LARGE1: variants seen among roughly 807,000 people sequenced by gnomAD.
LARGE1 encodes the protein LARGE xylosyl- and glucuronyltransferase 1.
A neutral mutation model predicts 87.6 loss-of-function variants in LARGE1; 43 were observed. The ratio of observed to expected loss-of-function variants is 0.49; its 90% confidence interval spans 0.38 to 0.63. The LOEUF is 0.63. Among genes scored for constraint, LARGE1 ranks in the 30% least tolerant of loss-of-function variants. The pLI, the probability that LARGE1 is intolerant of heterozygous loss-of-function variation, is 0.00. For missense variants in LARGE1, 802 were observed against 1,000.2 expected (o/e 0.80, Z 2.67); for synonymous variants, 434 against 394.6 (o/e 1.10, Z -1.18).
intron 12 of LARGE1, among the ~76,000 whole-genome samples, chr22:33,295,127 A>C (rs1057271867): frequency 6.6e-6 from 1 of 152,116 alleles, no homozygotes; most frequent in Non-Finnish European, 1.5e-5. Context: ...ACGGTCATGC[A>C]CTCATATTCT....
chr22:33,301,783 A>G (rs955225961), intron 12 of LARGE1, among the ~76,000 whole-genome samples: 1 of 152,264 alleles, frequency 6.6e-6, no homozygotes, highest in Admixed American at 6.5e-5. Flanking sequence ...GTGACTCTGC[A>G]TTAAGCAAGT....
At chr22:33,255,316 T>G (rs565007566) in intron 11 of LARGE1, among the ~76,000 whole-genome samples, 66 of 152,340 alleles carry the variant, frequency 4.3e-4, no homozygotes, top group African/African-American at 1.6e-3. Flanking sequence ...CTTTCTCATA[T>G]AGCAGGAAAG....
chr22:33,150,013 C>G, the LARGE1 span, among the ~76,000 whole-genome samples: 6 of 152,084 alleles, frequency 3.9e-5, no homozygotes, highest in Admixed American at 1.3e-4. Context: ...CCCAAAAGTC[C>G]CATAGACAGG....
chr22:33,512,305 A>C (rs1455680036), intron 6 of LARGE1, among the ~76,000 whole-genome samples: 2 of 152,246 alleles, frequency 1.3e-5, no homozygotes, highest in African/African-American at 4.8e-5. Flanking sequence ...AATACCAGAA[A>C]CATCCTAACT....
intron 5 of LARGE1, among the ~76,000 whole-genome samples, chr22:33,591,196 C>T (rs1015490976): frequency 6.6e-6 from 1 of 152,144 alleles, no homozygotes; most frequent in African/African-American, 2.4e-5. Flanking sequence ...TGAGACTCTG[C>T]CTCAAACAAA....
chr22:33,283,491 C>A (rs1309090497), intron 12 of LARGE1, 143 bp from the exon 13 acceptor site: 1 of 905,588 alleles, frequency 1.1e-6, no homozygotes, highest in Admixed American at 2.0e-5. Context: ...GATGGGGAAA[C>A]TGGGCCAGGT....
intron 14 of LARGE1, among the ~76,000 whole-genome samples, chr22:33,274,950 T>G (rs1250274801): frequency 6.6e-6 from 1 of 152,186 alleles, no homozygotes; most frequent in Non-Finnish European, 1.5e-5. Flanking sequence ...AAAGGTTTCT[T>G]GATAAATAGA....
At chr22:33,107,050 G>C in the LARGE1 span, among the ~76,000 whole-genome samples, 1 of 152,126 alleles carries the variant, frequency 6.6e-6, no homozygotes, top group Non-Finnish European at 1.5e-5. Flanking sequence ...CGCAGTGATG[G>C]GGGCCACTTA....
chr22:33,594,491 T>C (rs1035729406), intron 5 of LARGE1, among the ~76,000 whole-genome samples: 4 of 152,226 alleles, frequency 2.6e-5, no homozygotes, highest in Non-Finnish European at 5.9e-5. Context: ...CCTAACCTCA[T>C]CATAATTTCC....
At chr22:33,801,434 G>A (rs8138903) in intron 1 of LARGE1, among the ~76,000 whole-genome samples, 11,807 of 152,104 alleles carry the variant, frequency 0.078, 569 homozygotes, top group South Asian at 0.22. Context: ...GCTAATTATG[G>A]TCTTAATTTA....
At chr22:33,177,332 G>A (rs947841252) in intron 11 of LARGE1, among the ~76,000 whole-genome samples, 15 of 151,968 alleles carry the variant, frequency 9.9e-5, no homozygotes, top group Admixed American at 5.2e-4. Context: ...TATGAAGAAA[G>A]ATTATAGTGC....
intron 3 of LARGE1, among the ~76,000 whole-genome samples, chr22:33,642,226 T>A (rs1326916415): frequency 6.6e-6 from 1 of 152,202 alleles, no homozygotes; most frequent in Admixed American, 6.5e-5. Context: ...GGGATCAATA[T>A]TCAACATTCT....
intron 7 of LARGE1, among the ~76,000 whole-genome samples, chr22:33,404,092 A>G (rs1013430641): frequency 6.6e-6 from 1 of 152,246 alleles, no homozygotes; most frequent in African/African-American, 2.4e-5. Flanking sequence ...TTAAACATAT[A>G]GTCTATTGTA....
At chr22:33,460,079 C>T (rs982285553) in intron 6 of LARGE1, among the ~76,000 whole-genome samples, 6 of 152,182 alleles carry the variant, frequency 3.9e-5, no homozygotes, top group Admixed American at 1.3e-4. Flanking sequence ...CATGGCATGG[C>T]GCTAAGGGGC....
chr22:33,285,297 A>C (rs1931310675), intron 12 of LARGE1, among the ~76,000 whole-genome samples: 1 of 151,828 alleles, frequency 6.6e-6, no homozygotes, highest in Non-Finnish European at 1.5e-5. Context: ...ATTTTGAAAA[A>C]CCACTGAAAG....
intron 7 of LARGE1, among the ~76,000 whole-genome samples, chr22:33,420,382 G>A (rs1188239117): frequency 6.6e-6 from 1 of 152,130 alleles, no homozygotes; most frequent in East Asian, 1.9e-4. Flanking sequence ...TATCCTCATG[G>A]AAAGACACAG....
At chr22:33,693,512 A>T (rs1294869597) in intron 2 of LARGE1, among the ~76,000 whole-genome samples, 2 of 152,234 alleles carry the variant, frequency 1.3e-5, no homozygotes, top group East Asian at 3.9e-4. Flanking sequence ...ACAAACAAAC[A>T]AGAGTCATTC....
chr22:33,579,539 G>A (rs2078452422), intron 5 of LARGE1, among the ~76,000 whole-genome samples: 1 of 152,172 alleles, frequency 6.6e-6, no homozygotes, highest in Middle Eastern at 3.2e-3. Flanking sequence ...GTGGAGCCTG[G>A]ATGTCCTCCT....
At chr22:33,831,307 G>A (rs2062960333) in intron 1 of LARGE1, among the ~76,000 whole-genome samples, 1 of 152,130 alleles carries the variant, frequency 6.6e-6, no homozygotes, top group African/African-American at 2.4e-5. Flanking sequence ...GAGTGTCAAG[G>A]AAAGAATTCG....
Sources: gnomAD v4.1 joint callset for allele counts (sites outside exome capture counted in the v4.1 genomes callset) on GRCh38, gnomAD v4.1.1 for gene constraint, MANE v1.5 for transcripts, NCBI Gene and HGNC (gene_info 2026-07-23, HGNC 2026-07-21) for gene names.